The following CHRAC1 variants were observed in gnomAD, a reference collection of about 807,000 sequenced individuals.
CHRAC1 encodes the protein chromatin accessibility complex protein 1.
In CHRAC1, 6 loss-of-function variants were observed where a neutral mutation model predicts 9.1. That is an observed-to-expected ratio of 0.66 (90% confidence interval 0.36 to 1.29). The LOEUF (loss-of-function observed/expected upper bound fraction) is 1.29, where lower values mean the gene tolerates loss of function less well. Among genes scored for constraint, CHRAC1 ranks in the 50% most tolerant of loss-of-function variants. CHRAC1 has a pLI of 0.03. For synonymous variants in CHRAC1, 73 were observed against 64.5 expected, an observed-to-expected ratio of 1.13 and a Z score of -0.63; for missense variants, 168 against 163.5, an observed-to-expected ratio of 1.03 and a Z score of -0.15.
In CHRAC1 at chr8:140,515,414, A is replaced by G; in HGVS notation, c.*167A>G. 1.6e-6 allele frequency: 1 copy of G among 640,028 alleles called. No homozygotes were observed. 39.6% of individuals were successfully genotyped at this position (640,028 alleles called of 1,614,324 possible). A position where few individuals can be genotyped will look rare whatever the true frequency, so the allele number is the denominator to read the frequency against. On this transcript the variant is annotated 3_prime_UTR_variant, in exon 3 of 3. Coordinates refer to ENST00000220913, the MANE Select transcript of CHRAC1 (RefSeq NM_017444.6). ...TTTCCAGGCCGAGATTGAGCACCTC[A>G]TGTACCTACGCCACAGACAGCCAGA...
chr8:140,515,319 A>G lies in CHRAC1; in HGVS notation c.*72A>G. 6.7e-7 allele frequency: 1 copy of G among 1,485,338 alleles called. No individual in the cohort carries two copies. The highest frequency in any genetic ancestry group is 9.2e-7 in the Non-Finnish European group (1 of 1,088,544). The allele number at this position is 1,485,338 out of a possible 1,614,324, so 92.0% of individuals were successfully genotyped here. ...CACTCCACTGTCTCTAAGTAAACACAGCACTGCCCGCTTTTAGCGTCTTCA... is the reference window on the plus strand; with the variant it reads ...CACTCCACTGTCTCTAAGTAAACACGGCACTGCCCGCTTTTAGCGTCTTCA... On this transcript the variant is annotated 3_prime_UTR_variant, in exon 3 of 3. Transcript: ENST00000220913.
chr8:140,514,792 A>G (rs929044745), intron 2 of CHRAC1: 2 of 351,032 alleles, frequency 5.7e-6, no homozygotes, highest in Non-Finnish European at 1.0e-5. Flanking sequence ...CACTGAAGGG[A>G]AAACTCAGGG....
At chr8:140,514,974 T>G (rs1298266922) in intron 2 of CHRAC1, 152 bp from the exon 3 acceptor site, 5 of 742,320 alleles carry the variant, frequency 6.7e-6, no homozygotes, top group South Asian at 1.8e-5. Context: ...GCTAGTTTCT[T>G]TGATATTTTA....
At chr8:140,513,502 C>A (rs2072302320) in intron 1 of CHRAC1, among the ~76,000 whole-genome samples, 1 of 151,928 alleles carries the variant, frequency 6.6e-6, no homozygotes, top group Admixed American at 6.6e-5. Flanking sequence ...GTGGCGCGAT[C>A]TCGGCTCACT....
In CHRAC1 at chr8:140,516,856, C is replaced by G. The variant is rs1260796498; in HGVS notation, c.*1609C>G. 1 of 152,090 alleles carries G rather than the reference C, an allele frequency of 6.6e-6. No individual in the cohort carries two copies. Among genetic ancestry groups the G allele is most frequent in the Non-Finnish European group, 1.5e-5 (1 of 68,038 alleles). 9.4% of individuals were successfully genotyped at this position (152,090 alleles called of 1,614,324 possible). On this transcript the variant is annotated 3_prime_UTR_variant, in exon 3 of 3. Coordinates refer to ENST00000220913, the MANE Select transcript of CHRAC1 (RefSeq NM_017444.6). ...GTCAAGCTATTCTCTGTCCCTATAC[C>G]AGGTGTCATCAAATTTTTTTCTGGA...
chr8:140,511,791 C>T (rs888829696), intron 1 of CHRAC1, 145 bp downstream of exon 1: 3 of 863,270 alleles, frequency 3.5e-6, no homozygotes, highest in Non-Finnish European at 5.1e-6. Context: ...CCCCGTCCCA[C>T]GCCGGCGCGC....
At position 140,515,386 on chromosome 8, in the gene CHRAC1, T is replaced by C; in HGVS notation, c.*139T>C. On this transcript the variant is annotated 3_prime_UTR_variant, in exon 3 of 3. Transcript: ENST00000220913. ...CAGTGTGTGGTATTCTTTCGAGGTA[T>C]TCTTTCCAGGCCGAGATTGAGCACC... is the stretch of plus-strand genomic sequence containing the variant. The C allele has an allele frequency of 1.1e-6, 1 of 922,100 alleles. No individual in the cohort carries two copies. The highest frequency in any genetic ancestry group is 2.5e-5 in the Admixed American group (1 of 40,492). The allele number at this position is 922,100 out of a possible 1,614,324, so 57.1% of individuals were successfully genotyped here. A position where few individuals can be genotyped will look rare whatever the true frequency, so the allele number is the denominator to read the frequency against.
chr8:140,511,723 T>A, intron 1 of CHRAC1, 77 bp downstream of exon 1: 1 of 1,203,908 alleles, frequency 8.3e-7, no homozygotes, highest in Non-Finnish European at 1.1e-6. Context: ...CACTGCCCAG[T>A]CCCCTTAGGC....
Position 140,515,148 on chromosome 8 carries a change from A to C in CHRAC1, c.297A>C (p.Leu99Phe). Reference sequence around the variant, plus strand: ...AAGATATATTACCAAAGAAGATTTTAGCTAGTAAATACCTGAAAATGCTTA... The same window carrying C: ...AAGATATATTACCAAAGAAGATTTTCGCTAGTAAATACCTGAAAATGCTTA... ...FLADILPKKI[L>F]ASKYLKMLKE... is the part of the protein sequence containing the mutation. The change falls in exon 3 of 3, where the codon TTA (leucine) becomes TTC (phenylalanine). Residue 99 changes from leucine (L) to phenylalanine (F), a missense_variant. Coordinates refer to ENST00000220913, the MANE Select transcript of CHRAC1 (RefSeq NM_017444.6). 6.2e-7 allele frequency: 1 copy of C among 1,611,658 alleles called. No homozygotes were observed.
chr8:140,511,975 C>T (rs2072280921), intron 1 of CHRAC1: 2 of 1,295,578 alleles, frequency 1.5e-6, no homozygotes, highest in Non-Finnish European at 2.0e-6. Context: ...TTCGCCCCGC[C>T]CACCCCACTG....
In CHRAC1 at chr8:140,514,505, C is replaced by G; in HGVS notation, c.274+10C>G. On this transcript the variant is annotated intron_variant, in intron 2 of 2. Coordinates refer to ENST00000220913, the MANE Select transcript of CHRAC1 (RefSeq NM_017444.6). ...TTTCAGTTTCTTGCAGGTACTTAGTCTTTGAAACATTCTGGTTAAAAAATG... is the reference window on the plus strand; with the variant it reads ...TTTCAGTTTCTTGCAGGTACTTAGTGTTTGAAACATTCTGGTTAAAAAATG... 1 of 1,540,884 alleles carries G rather than the reference C, an allele frequency of 6.5e-7. No homozygotes were observed. The highest frequency in any genetic ancestry group is 8.7e-7 in the Non-Finnish European group (1 of 1,153,864).
chr8:140,515,687 T>G lies in CHRAC1; in HGVS notation c.*440T>G, dbSNP rs2072327898. 6.5e-6 allele frequency: 1 copy of G among 153,194 alleles called. No individual in the cohort carries two copies. The highest frequency in any genetic ancestry group is 1.5e-5 in the Non-Finnish European group (1 of 68,718). 9.5% of individuals were successfully genotyped at this position (153,194 alleles called of 1,614,324 possible). On this transcript the variant is annotated 3_prime_UTR_variant, in exon 3 of 3. Coordinates refer to ENST00000220913, the MANE Select transcript of CHRAC1 (RefSeq NM_017444.6). ...GTTTTAGCTAAATTTATAGTTTAGG[T>G]AGTATGTTACATTTGAATTTTTGTC...
chr8:140,512,994 T>G (rs1332362413), intron 1 of CHRAC1, among the ~76,000 whole-genome samples: 1 of 152,156 alleles, frequency 6.6e-6, no homozygotes, highest in Non-Finnish European at 1.5e-5. Flanking sequence ...TTTTTGTATT[T>G]TTTGGTAGAG....
chr8:140,514,724 A>T (rs2072316246), intron 2 of CHRAC1: 2 of 420,514 alleles, frequency 4.8e-6, no homozygotes, highest in Middle Eastern at 6.3e-4. Context: ...CATTCACAAG[A>T]TGTTGGTTGG....
intron 1 of CHRAC1, 30 bp from the exon 2 acceptor site, chr8:140,514,339 C>A: frequency 1.3e-6 from 2 of 1,559,358 alleles, no homozygotes; most frequent in South Asian, 1.3e-5. Context: ...CAAAGCACAC[C>A]TTTCATTTGC....
chr8:140,512,130 G>A, intron 1 of CHRAC1: 2 of 687,718 alleles, frequency 2.9e-6, no homozygotes, highest in Non-Finnish European at 4.3e-6. Flanking sequence ...GTGGGCGTCG[G>A]CGCCTAGTGG....
chr8:140,511,428 A>C lies in CHRAC1; in HGVS notation c.-72A>C. The C allele has an allele frequency of 1.6e-6, 2 of 1,250,744 alleles. No individual in the cohort carries two copies. The highest frequency in any genetic ancestry group is 1.6e-5 in the African/African-American group (1 of 63,894). 77.5% of individuals were successfully genotyped at this position (1,250,744 alleles called of 1,614,324 possible). A position where few individuals can be genotyped will look rare whatever the true frequency, so the allele number is the denominator to read the frequency against. On this transcript the variant is annotated 5_prime_UTR_variant, in exon 1 of 3. Transcript: ENST00000220913. Reference sequence around the variant, plus strand: ...GCGGGCGCGGCTCCCCGTACCCACCAGCTGGCCGGGCAGGGCAGCCACTTC... The same window carrying C: ...GCGGGCGCGGCTCCCCGTACCCACCCGCTGGCCGGGCAGGGCAGCCACTTC...
At chr8:140,511,930 C>T (rs1177765795) in intron 1 of CHRAC1, 3 of 1,246,070 alleles carry the variant, frequency 2.4e-6, no homozygotes, top group Non-Finnish European at 1.1e-6. Context: ...TGTCGCCTTC[C>T]TTCGCTCCGC....
chr8:140,516,790 C>G lies in CHRAC1; in HGVS notation c.*1543C>G, dbSNP rs2072342741. 6.6e-6 allele frequency: 1 copy of G among 152,214 alleles called. No individual in the cohort carries two copies. Among genetic ancestry groups the G allele is most frequent in the Non-Finnish European group, 1.5e-5 (1 of 68,048 alleles). The allele number at this position is 152,214 out of a possible 1,614,324, so 9.4% of individuals were successfully genotyped here. On this transcript the variant is annotated 3_prime_UTR_variant, in exon 3 of 3. Transcript: ENST00000220913. ...CAGCTATATCACCCTCCAGTAAATT[C>G]CCTGTGGTCAGCTCCTTCCCCACCT...
Sources: allele counts gnomAD v4.1 joint callset (sites outside exome capture counted in the v4.1 genomes callset), GRCh38; gene constraint gnomAD v4.1.1; transcripts MANE v1.5; gene names NCBI Gene and HGNC (gene_info 2026-07-23, HGNC 2026-07-21).